The following BECN1 variants were observed in gnomAD, a reference collection of about 807,000 sequenced individuals.
BECN1 encodes beclin 1.
In BECN1, 15 loss-of-function variants were observed where a neutral mutation model predicts 60.1. The observed-to-expected ratio is 0.25, with a 90% CI of 0.17 to 0.38. The LOEUF (loss-of-function observed/expected upper bound fraction) is 0.38. Among genes scored for constraint, BECN1 ranks in the 10% least tolerant of loss-of-function variants. The probability of loss-of-function intolerance (pLI) is 1.00; values close to 1 mark genes in which losing one functional copy is unlikely to be tolerated. For synonymous variants in BECN1, 179 were observed against 201.8 expected (o/e 0.89, Z 0.96); for missense variants, 424 against 548.2 (o/e 0.77, Z 2.26).
Position 42,814,009 on chromosome 17 carries a change from C to T in BECN1, c.981-1G>A, listed in dbSNP as rs1315143660. ...GTTTCCGTAAGGAACAAGTCGGTAT[C>T]TAAAATAGAGATACAAACAGAGATG... On this transcript the variant is annotated splice_acceptor_variant, in intron 9 of 11. Transcript: ENST00000590099. LOFTEE classifies it high-confidence loss of function. The T allele has an allele frequency of 1.3e-6, 2 of 1,596,922 alleles. No individual in the cohort carries two copies. Among genetic ancestry groups the T allele is most frequent in the South Asian group, 1.1e-5 (1 of 89,632 alleles).
intron 11 of BECN1, chr17:42,811,387 T>G: frequency 2.7e-6 from 1 of 364,128 alleles, no homozygotes; most frequent in Non-Finnish European, 4.9e-6. Flanking sequence ...GGGAAAAACC[T>G]TCTTGAAACT....
In BECN1 at chr17:42,818,221, T is replaced by C. The variant is rs1399660521; in HGVS notation, c.683A>G (p.Gln228Arg). The C allele has an allele frequency of 1.2e-6, 2 of 1,613,798 alleles. No homozygotes were observed. Among genetic ancestry groups the C allele is most frequent in the African/African-American group, 1.3e-5 (1 of 74,926 alleles). ...AAGATAGAACAGGGTGAGCACTCAC[T>C]GAGCTTCCTCCTGATCCAGTCTCTC... ...EAERLDQEEA[Q>R]YQREYSEFKR... is the part of the protein sequence containing the mutation. The change falls in exon 7 of 12, where the codon CAG (glutamine) becomes CGG (arginine). Residue 228 changes from glutamine to arginine, a missense_variant and splice_region_variant. Physicochemically the swap from Gln to Arg is conservative, Grantham distance 43. This residue lies in a region of BECN1 where 326 missense variants were observed against 406.2 expected (regional missense o/e 0.80). Coordinates refer to ENST00000590099, the MANE Select transcript of BECN1 (RefSeq NM_001313998.2).
At chr17:42,823,609 C>G in intron 2 of BECN1, 139 bp downstream of exon 2, 1 of 1,245,132 alleles carries the variant, frequency 8.0e-7, no homozygotes. Context: ...AAGGAGAAAA[C>G]AGGGAGCCAG....
chr17:42,818,317 TG>T lies in BECN1; in HGVS notation c.586del (p.Gln196ArgfsTer12). 2 of 1,614,236 alleles carry T rather than the reference TG, an allele frequency of 1.2e-6. No individual in the cohort carries two copies. Among genetic ancestry groups the T allele is most frequent in the Non-Finnish European group, 1.7e-6 (2 of 1,180,032 alleles). On this transcript the variant is annotated frameshift_variant, in exon 7 of 12. Transcript: ENST00000590099. LOFTEE classifies it high-confidence loss of function. ...GTTCTTTTCCACGTCTTCCAGCTCC[TG>T]GATCAGCCTCTCCTCCTCTAGTGCC... ...ELALEEERLI[Q>X]ELEDVEKNRK...
chr17:42,823,796 C>G lies in BECN1; in HGVS notation c.82G>C (p.Asp28His). ...CGGTCCAGGATCTTGAAACTCGTGT[C>G]CAGTTTCAGGGGCTGGCTGCAGCGC... The part of the protein sequence containing the change: ...CQRCSQPLKL[D>H]TSFKILDRVT... The change falls in exon 2 of 12, where the codon GAC becomes CAC. Residue 28 changes from aspartate to histidine, a missense_variant. Asp to His is a moderately conservative substitution (Grantham distance 81). Around this residue, in one of 3 missense-constraint regions of BECN1, gnomAD observed 96 missense variants for 125.6 expected, o/e 0.76. Transcript: ENST00000590099. 1 of 1,614,084 alleles carries G rather than the reference C, an allele frequency of 6.2e-7. No individual in the cohort carries two copies. Among genetic ancestry groups the G allele is most frequent in the Non-Finnish European group, 8.5e-7 (1 of 1,180,008 alleles).
chr17:42,819,610 C>G lies in BECN1; in HGVS notation c.199-1G>C, dbSNP rs1567672921. On this transcript the variant is annotated splice_acceptor_variant, in intron 3 of 11. Transcript: ENST00000590099. LOFTEE classifies it high-confidence loss of function. ...GGCGAGGAGTTTCAATAAATGGCTC[C>G]TGGGAAAGAAATAAGAGGGCATTAC... The G allele has an allele frequency of 6.2e-7, 1 of 1,613,246 alleles. No individual in the cohort carries two copies. The highest frequency in any genetic ancestry group is 8.5e-7 in the Non-Finnish European group (1 of 1,179,816).
chr17:42,819,732 A>G, intron 3 of BECN1, 123 bp from the exon 4 acceptor site: 1 of 993,150 alleles, frequency 1.0e-6, no homozygotes, highest in Non-Finnish European at 1.5e-6. Flanking sequence ...AACCACAGAG[A>G]CTTAAAAAAT....
In BECN1 at chr17:42,824,006, G is replaced by C. The variant is rs559792660; in HGVS notation, c.-2-127C>G. On this transcript the variant is annotated intron_variant, in intron 1 of 11. Transcript: ENST00000590099. ...TCCCAACCTGCGCCGTTCCCTCTAGGAATGGTATGATACGGGGAGGACCTG... is the reference window on the plus strand; with the variant it reads ...TCCCAACCTGCGCCGTTCCCTCTAGCAATGGTATGATACGGGGAGGACCTG... The C allele has an allele frequency of 2.2e-3, 2,734 of 1,246,714 alleles. 8 individuals carry two copies. The highest frequency in any genetic ancestry group is 5.5e-3 in the Middle Eastern group (22 of 3,974). 77.2% of individuals were successfully genotyped at this position (1,246,714 alleles called of 1,614,324 possible). A position where few individuals can be genotyped will look rare whatever the true frequency, so the allele number is the denominator to read the frequency against.
At chr17:42,814,761 A>T in intron 8 of BECN1, 88 bp from the exon 9 acceptor site, 1 of 1,517,090 alleles carries the variant, frequency 6.6e-7, no homozygotes, top group South Asian at 1.2e-5. Context: ...ACCTAGCTTA[A>T]ATCTATCTTC....
chr17:42,811,047 G>A (rs2144143050), intron 11 of BECN1, 119 bp from the exon 12 acceptor site: 2 of 1,075,606 alleles, frequency 1.9e-6, no homozygotes, highest in East Asian at 2.6e-5. Flanking sequence ...CACTTGGTGA[G>A]GAATGATAGT....
chr17:42,824,107 T>G, intron 1 of BECN1, 48 bp downstream of exon 1: 1 of 522,842 alleles, frequency 1.9e-6, no homozygotes, highest in South Asian at 3.0e-5. Context: ...CCGTGAGGGT[T>G]CCCAGACTCC....
At chr17:42,819,132 T>C in intron 4 of BECN1, 2 of 522,768 alleles carry the variant, frequency 3.8e-6, no homozygotes, top group Non-Finnish European at 6.7e-6. Context: ...AATTCATATG[T>C]CTACAGTGGA....
Position 42,811,709 on chromosome 17 carries a change from T to C in BECN1, c.1130A>G (p.Gln377Arg). The C allele has an allele frequency of 6.2e-7, 1 of 1,614,216 alleles. No individual in the cohort carries two copies. Among genetic ancestry groups the C allele is most frequent in the Non-Finnish European group, 8.5e-7 (1 of 1,180,034 alleles). ...TTTCTCAACCTCTTCTTTGAACTGC[T>C]GCACACAGTCCAGGAAAGCCACCAT... ...HAMVAFLDCV[Q>R]QFKEEVEKGE... The change falls in exon 11 of 12, where the codon CAG becomes CGG. Residue 377 changes from glutamine (Q) to arginine (R), a missense_variant. This residue lies in a region of BECN1 where 326 missense variants were observed against 406.2 expected (regional missense o/e 0.80). Transcript: ENST00000590099.
chr17:42,824,099 G>A (rs1597945778), intron 1 of BECN1, 56 bp downstream of exon 1: 3 of 539,202 alleles, frequency 5.6e-6, no homozygotes, highest in Admixed American at 3.5e-5. Flanking sequence ...AATAAGAGCC[G>A]TGAGGGTTCC....
At chr17:42,817,306 A>C (rs186525340) in intron 7 of BECN1, among the ~76,000 whole-genome samples, 1 of 152,160 alleles carries the variant, frequency 6.6e-6, no homozygotes, top group Non-Finnish European at 1.5e-5. Context: ...AAAAAAAAAA[A>C]AAACAAAAAA....
chr17:42,811,586 T>C lies in BECN1; in HGVS notation c.1184+69A>G. ...ACCATTTATACTGTTTTGCCTCCATTATTACTGCTGCTTCAATTCTGTTCA... is the reference window on the plus strand; with the variant it reads ...ACCATTTATACTGTTTTGCCTCCATCATTACTGCTGCTTCAATTCTGTTCA... On this transcript the variant is annotated intron_variant, in intron 11 of 11. Transcript: ENST00000590099. 4 of 1,549,960 alleles carry C rather than the reference T, an allele frequency of 2.6e-6. No homozygotes were observed. The East Asian group carries it at 6.8e-5, about 26-fold the overall frequency.
intron 4 of BECN1, chr17:42,819,304 C>A: frequency 2.0e-6 from 1 of 498,382 alleles, no homozygotes; most frequent in Non-Finnish European, 3.6e-6. Context: ...TCAATCACTC[C>A]CTCAATTTTT....
chr17:42,819,654 G>T, intron 3 of BECN1, 45 bp from the exon 4 acceptor site: 1 of 1,588,162 alleles, frequency 6.3e-7, no homozygotes, highest in Non-Finnish European at 8.6e-7. Flanking sequence ...CAGCTTAGAG[G>T]TAGAGTTCAT....
rs34128114 is a variant in BECN1, at chr17:42,815,964, C to A, written c.774G>T (p.Gln258His). 6.2e-7 allele frequency: 1 copy of A among 1,613,992 alleles called. No homozygotes were observed. Among genetic ancestry groups the A allele is most frequent in the African/African-American group, 1.3e-5 (1 of 74,918 alleles). ...KSVENQMRYA[Q>H]TQLDKLKKTN... ...TTTTCTTCAGCTTATCCAGCTGCGT[C>A]TGGGCATAACGCATCTGGTTTTCAA... is the stretch of plus-strand genomic sequence containing the variant. The change falls in exon 8 of 12, where the codon CAG becomes CAT. Residue 258 changes from glutamine (Q) to histidine (H), a missense_variant. Physicochemically the swap from Gln to His is conservative, Grantham distance 24 (BLOSUM62 0). This residue lies in a region of BECN1 where 326 missense variants were observed against 406.2 expected (regional missense o/e 0.80). Transcript: ENST00000590099.
Sources: gnomAD v4.1 joint callset for allele counts (sites outside exome capture counted in the v4.1 genomes callset) on GRCh38, gnomAD v4.1.1 for gene constraint, gnomAD v4.1.1 regional missense constraint, MANE v1.5 for transcripts, NCBI Gene and HGNC (gene_info 2026-07-23, HGNC 2026-07-21) for gene names.